IQSEC2: variants seen among roughly 807,000 people sequenced by gnomAD.
The protein encoded by IQSEC2 is IQ motif and Sec7 domain ArfGEF 2.
A neutral mutation model predicts 74.6 loss-of-function variants in IQSEC2; 6 were observed. That is an observed-to-expected ratio of 0.08 (90% CI 0.04 to 0.16). The LOEUF (loss-of-function observed/expected upper bound fraction) is 0.16, where lower values mean the gene tolerates loss of function less well. Among genes scored for constraint, IQSEC2 ranks in the 10% least tolerant of loss-of-function variants. The pLI is 1.00. For synonymous variants in IQSEC2, 494 were observed against 544.5 expected (o/e 0.91, Z 1.29); for missense variants, 734 against 1,306.2 (o/e 0.56, Z 6.75).
intron 1 of IQSEC2, among the ~76,000 whole-genome samples, chrX:53,306,000 G>A (rs1365047394): frequency 8.9e-6 from 1 of 112,847 alleles, no homozygotes; most frequent in Non-Finnish European, 1.9e-5. Context: ...ATGACAGAGA[G>A]AGAGAAGAAG....
chrX:53,229,635 G>A (rs1290270115), downstream of IQSEC2: 1 of 110,674 alleles, frequency 9.0e-6, no homozygotes, highest in Admixed American at 9.6e-5. Context: ...CCAGGAGTTC[G>A]AAGCTGCAGT....
Position 53,270,080 on chromosome X carries a change from A to G in IQSEC2, c.738-14019T>C, listed in dbSNP as rs781872270. Reference sequence around the variant, plus strand: ...CTGGGTCCCGGACCCGTCGAGCCCAATGCTTGCTGGACAGCTCTACCAGGA... The same window carrying G: ...CTGGGTCCCGGACCCGTCGAGCCCAGTGCTTGCTGGACAGCTCTACCAGGA... On this transcript the variant is annotated intron_variant, in intron 2 of 14. Coordinates refer to ENST00000642864, the MANE Select transcript of IQSEC2 (RefSeq NM_001111125.3). Among the ~76,000 whole-genome samples the G allele has an allele frequency of 2.2e-4, 24 of 110,547 alleles. No individual in the cohort carries two copies. In the South Asian group the frequency reaches 7.4e-3, roughly 34 times the overall value.
At chrX:53,230,513 C>T (rs2074059901), downstream of IQSEC2, 1 of 113,096 alleles carries the variant, frequency 8.8e-6, no homozygotes, top group African/African-American at 3.2e-5. Flanking sequence ...GGACATTTTG[C>T]TTATCACAGA....
intron 2 of IQSEC2, chrX:53,281,441 G>T: frequency 1.5e-6 from 1 of 684,479 alleles, no homozygotes; most frequent in Non-Finnish European, 2.2e-6. Flanking sequence ...CCAGGGACTG[G>T]GTCCAGGCCT....
intron 8 of IQSEC2, among the ~76,000 whole-genome samples, 165 bp from the exon 9 acceptor site, chrX:53,243,636 C>T (rs782011746): frequency 8.1e-5 from 9 of 111,801 alleles, no homozygotes; most frequent in Admixed American, 6.6e-4. Context: ...GGGTGTCCTT[C>T]AGTACAACAG....
intron 2 of IQSEC2, among the ~76,000 whole-genome samples, chrX:53,283,033 T>C (rs2074990136): frequency 9.0e-6 from 1 of 111,095 alleles, no homozygotes; most frequent in Non-Finnish European, 1.9e-5. Flanking sequence ...CTGGGCAACA[T>C]GGCAAAACCC....
At chrX:53,296,933 CTG>C (rs1268719202) in intron 1 of IQSEC2, among the ~76,000 whole-genome samples, 25 of 111,825 alleles carry the variant, frequency 2.2e-4, no homozygotes, top group African/African-American at 8.1e-4. Context: ...AACTGAACAA[CTG>C]TGCCCTCCTC....
intron 1 of IQSEC2, among the ~76,000 whole-genome samples, chrX:53,309,103 CAA>C (rs56674253): frequency 8.0e-4 from 30 of 37,331 alleles, no homozygotes; most frequent in African/African-American, 1.6e-3. Context: ...GACCCTGTCT[CAA>C]AAAAAAAAAA....
intron 2 of IQSEC2, among the ~76,000 whole-genome samples, chrX:53,289,463 C>A (rs1198401560): frequency 9.0e-6 from 1 of 111,152 alleles, no homozygotes; most frequent in Non-Finnish European, 1.9e-5. Context: ...GTCTCTAAAC[C>A]CACCCCCCTC....
intron 2 of IQSEC2, among the ~76,000 whole-genome samples, chrX:53,268,339 C>G (rs1391810925): frequency 9.0e-6 from 1 of 111,275 alleles, no homozygotes; most frequent in Non-Finnish European, 1.9e-5. Context: ...CACACACACG[C>G]ACGCACACGC....
chrX:53,239,195 A>G lies in IQSEC2; in HGVS notation c.3115T>C (p.Tyr1039His), dbSNP rs781935803. ...AGCTGGGATCCAAGAAGGGACTCACATGAATTCTGGAAGAGCTGCATGTGC... is the reference window on the plus strand; with the variant it reads ...AGCTGGGATCCAAGAAGGGACTCACGTGAATTCTGGAAGAGCTGCATGTGC... ...EMHMQLFQNS[Y>H]YQFGIKLLSA... The change falls in exon 11 of 15, where the codon TAT (tyrosine) becomes CAT (histidine). Residue 1039 changes from tyrosine (Y) to histidine (H), a missense_variant and splice_region_variant. By Grantham distance (83) the Tyr-to-His change is moderately conservative. Coordinates refer to ENST00000642864, the MANE Select transcript of IQSEC2 (RefSeq NM_001111125.3). 1 of 1,190,428 alleles carries G rather than the reference A, an allele frequency of 8.4e-7. No homozygotes were observed. Among genetic ancestry groups the G allele is most frequent in the Non-Finnish European group, 1.1e-6 (1 of 876,147 alleles).
chrX:53,249,273 G>A (rs1292805712), intron 5 of IQSEC2, among the ~76,000 whole-genome samples: 1 of 111,803 alleles, frequency 8.9e-6, no homozygotes, highest in Non-Finnish European at 1.9e-5. Context: ...AAGAAGTGAA[G>A]AGGTTACTTT....
chrX:53,253,639 C>G (rs896059141), intron 4 of IQSEC2, among the ~76,000 whole-genome samples: 2 of 112,155 alleles, frequency 1.8e-5, no homozygotes, highest in African/African-American at 3.2e-5. Flanking sequence ...GTTTCCTCCC[C>G]CTCCTCTGGG....
At position 53,244,261 on chromosome X, in the gene IQSEC2, C is replaced by T. The variant is rs2074269161; in HGVS notation, c.2750-790G>A. Among the ~76,000 whole-genome samples the T allele has an allele frequency of 4.7e-5, 5 of 105,515 alleles. No individual in the cohort carries two copies. In the Admixed American group the frequency reaches 5.1e-4, roughly 11 times the overall value. The allele number at this position is 105,515 out of a possible 115,157, so 91.6% of individuals were successfully genotyped here. On this transcript the variant is annotated intron_variant, in intron 8 of 14. Coordinates refer to ENST00000642864, the MANE Select transcript of IQSEC2 (RefSeq NM_001111125.3). The stretch of plus-strand genomic sequence containing the variant: ...AGAAAAAAAAGAATGCTAGGGCAGG[C>T]GTGGTATAATCCCAGCACTTTGGGA...
intron 2 of IQSEC2, among the ~76,000 whole-genome samples, chrX:53,259,312 T>C (rs2074530362): frequency 9.2e-6 from 1 of 109,152 alleles, no homozygotes; most frequent in Non-Finnish European, 1.9e-5. Flanking sequence ...AAGACCAGCC[T>C]GGGCAACATG....
intron 2 of IQSEC2, among the ~76,000 whole-genome samples, chrX:53,286,581 C>T (rs1389384492): frequency 4.5e-5 from 5 of 111,243 alleles, no homozygotes; most frequent in Non-Finnish European, 9.4e-5. Context: ...ACATAGCTTC[C>T]AGGTTGGTGG....
intron 2 of IQSEC2, among the ~76,000 whole-genome samples, chrX:53,270,176 C>G (rs782816400): frequency 9.0e-6 from 1 of 111,027 alleles, no homozygotes; most frequent in Admixed American, 9.6e-5. Flanking sequence ...TAAGGCACCA[C>G]CATTCATCCA....
At chrX:53,259,176 T>G (rs1602299510) in intron 2 of IQSEC2, among the ~76,000 whole-genome samples, 1 of 65,584 alleles carries the variant, frequency 1.5e-5, no homozygotes, top group Non-Finnish European at 2.6e-5. Flanking sequence ...GGAGATAGAG[T>G]GAGACTGTCT....
downstream of IQSEC2, chrX:53,231,030 C>T (rs1556858339): frequency 8.9e-6 from 1 of 112,670 alleles, no homozygotes. Context: ...ATAAATCAAC[C>T]AATGCAAAGA....
Sources: allele counts gnomAD v4.1 joint callset (sites outside exome capture counted in the v4.1 genomes callset), GRCh38; gene constraint gnomAD v4.1.1; transcripts MANE v1.5; gene names NCBI Gene and HGNC (gene_info 2026-07-23, HGNC 2026-07-21).